Variants in RABL3 observed in about 807,000 individuals in gnomAD.
RABL3 encodes the protein rab-like protein 3.
RABL3 carries 31 observed loss-of-function variants against 31.8 expected under a neutral mutation model. The ratio of observed to expected loss-of-function variants is 0.97; its 90% CI spans 0.73 to 1.31. The LOEUF (loss-of-function observed/expected upper bound fraction) is 1.31, where lower values mean the gene tolerates loss of function less well. RABL3 is among the 40% of genes most tolerant of loss of function. The probability of loss-of-function intolerance (pLI) is 0.00; values close to 1 mark genes in which losing one functional copy is unlikely to be tolerated. For missense variants in RABL3, 263 were observed against 279.6 expected (o/e 0.94, Z 0.42); for synonymous variants, 97 against 99.9 (o/e 0.97, Z 0.18).
rs999287549 is a variant in RABL3, at chr3:120,686,096, T to C, written c.*3727A>G. 2.6e-5 allele frequency among the ~76,000 whole-genome samples: 4 copies of C among 152,296 alleles called. No individual in the cohort carries two copies. The highest frequency in any genetic ancestry group is 9.6e-5 in the African/African-American group (4 of 41,568). On this transcript the variant is annotated 3_prime_UTR_variant, in exon 8 of 8. Coordinates refer to ENST00000273375, the MANE Select transcript of RABL3 (RefSeq NM_173825.5). The stretch of plus-strand genomic sequence containing the variant: ...GTGTAGGCAAACATGTTGTGAAATA[T>C]TTGAGACACAGGGTTAGACTTCCTG...
At chr3:120,742,441 G>A in intron 1 of RABL3, 21 bp downstream of exon 1, 2 of 1,613,360 alleles carry the variant, frequency 1.2e-6, no homozygotes, top group Non-Finnish European at 8.5e-7. Flanking sequence ...TGGAGCCCCA[G>A]AGGTAGGGTA....
chr3:120,693,059 T>C (rs557419343), intron 6 of RABL3, among the ~76,000 whole-genome samples: 1 of 152,344 alleles, frequency 6.6e-6, no homozygotes, highest in East Asian at 1.9e-4. Context: ...AATATTTGTA[T>C]AGCACACTGG....
In RABL3 at chr3:120,715,560, T is replaced by TA. The variant is rs577979707; in HGVS notation, c.139-5652dup. On this transcript the variant is annotated intron_variant, in intron 2 of 7. Transcript: ENST00000273375. Reference sequence around the variant, plus strand: ...TCAAAATAATAATAATAATAATAAATAAAAAAAGAAAGAACGAAATGTCCA... The same window carrying TA: ...TCAAAATAATAATAATAATAATAAATAAAAAAAAGAAAGAACGAAATGTCCA... Among the ~76,000 whole-genome samples, 223 of 151,760 alleles carry TA rather than the reference T, an allele frequency of 1.5e-3. 1 individual carries two copies. The highest frequency in any genetic ancestry group is 2.8e-3 in the Non-Finnish European group (188 of 67,900).
At chr3:120,691,833 T>C (rs914793547) in intron 6 of RABL3, among the ~76,000 whole-genome samples, 1 of 152,194 alleles carries the variant, frequency 6.6e-6, no homozygotes, top group African/African-American at 2.4e-5. Context: ...TTGCTCTCTC[T>C]GGTGCCACAG....
chr3:120,724,531 C>T (rs777399970), intron 2 of RABL3, among the ~76,000 whole-genome samples: 13 of 152,204 alleles, frequency 8.5e-5, no homozygotes, highest in Admixed American at 2.6e-4. Flanking sequence ...GGAGGCATCA[C>T]GCTACCTGAC....
chr3:120,704,800 T>C (rs1708531112), intron 4 of RABL3, among the ~76,000 whole-genome samples: 1 of 152,170 alleles, frequency 6.6e-6, no homozygotes, highest in South Asian at 2.1e-4. Flanking sequence ...AACCCAGCAC[T>C]TTGGGAGGCC....
Position 120,689,905 on chromosome 3 carries a change from T to C in RABL3, c.646-17A>G. ...GCCTGGAATCTGTAGGCAAGAAAGA[T>C]AATTGCATTAAGTCTCAAGCAATAA... On this transcript the variant is annotated splice_polypyrimidine_tract_variant and intron_variant, in intron 7 of 7. Coordinates refer to ENST00000273375, the MANE Select transcript of RABL3 (RefSeq NM_173825.5). 6.3e-7 allele frequency: 1 copy of C among 1,598,768 alleles called. No individual in the cohort carries two copies. The highest frequency in any genetic ancestry group is 8.6e-7 in the Non-Finnish European group (1 of 1,166,480).
intron 2 of RABL3, among the ~76,000 whole-genome samples, chr3:120,716,217 C>G (rs1393850278): frequency 6.6e-6 from 1 of 152,152 alleles, no homozygotes; most frequent in Non-Finnish European, 1.5e-5. Flanking sequence ...ATTCTAAATT[C>G]ATTAAGTCTT....
At chr3:120,691,346 G>A (rs1708377964) in intron 6 of RABL3, among the ~76,000 whole-genome samples, 1 of 152,130 alleles carries the variant, frequency 6.6e-6, no homozygotes, top group South Asian at 2.1e-4. Flanking sequence ...GATTTAGGAT[G>A]GCTTGACTAC....
chr3:120,714,558 A>G (rs1708646675), intron 2 of RABL3, among the ~76,000 whole-genome samples: 1 of 151,702 alleles, frequency 6.6e-6, no homozygotes, highest in African/African-American at 2.4e-5. Context: ...GTACCCATTC[A>G]CTCTTTTATT....
intron 1 of RABL3, among the ~76,000 whole-genome samples, chr3:120,737,334 C>T (rs1285088250): frequency 6.6e-6 from 1 of 152,240 alleles, no homozygotes; most frequent in African/African-American, 2.4e-5. Context: ...GAAGCTTGTG[C>T]ATCATCACGT....
rs113136376 is a variant in RABL3, at chr3:120,713,582, TA to T, written c.139-3674del. 3.9e-5 allele frequency among the ~76,000 whole-genome samples: 6 copies of T among 152,306 alleles called. No individual in the cohort carries two copies. In the South Asian group the frequency reaches 1.0e-3, roughly 26 times the overall value. The stretch of plus-strand genomic sequence containing the variant: ...AGCAGGTCATCAAGGATCTGATACT[TA>T]AAGTCATTACAGACCTTACAGCTAT... On this transcript the variant is annotated intron_variant, in intron 2 of 7. Transcript: ENST00000273375.
intron 1 of RABL3, among the ~76,000 whole-genome samples, chr3:120,740,292 C>T (rs1709025347): frequency 1.3e-5 from 2 of 152,126 alleles, no homozygotes; most frequent in Non-Finnish European, 2.9e-5. Context: ...GACAGGGTCT[C>T]ACTCTATCAC....
chr3:120,708,023 G>A (rs926182456), intron 3 of RABL3, among the ~76,000 whole-genome samples: 1 of 152,014 alleles, frequency 6.6e-6, no homozygotes, highest in African/African-American at 2.4e-5. Flanking sequence ...AGGGAAGAAT[G>A]TAGGGTATTA....
intron 2 of RABL3, among the ~76,000 whole-genome samples, chr3:120,717,564 G>A (rs1708686054): frequency 6.6e-6 from 1 of 152,120 alleles, no homozygotes; most frequent in Admixed American, 6.5e-5. Flanking sequence ...CGCATCCCGG[G>A]TTCAAGCCAT....
At chr3:120,737,120 T>C (rs888980409) in intron 1 of RABL3, among the ~76,000 whole-genome samples, 1 of 152,228 alleles carries the variant, frequency 6.6e-6, no homozygotes, top group Non-Finnish European at 1.5e-5. Flanking sequence ...TGCAGAGTGT[T>C]TTCCAACTTG....
intron 2 of RABL3, among the ~76,000 whole-genome samples, chr3:120,710,706 C>T (rs1708603819): frequency 6.6e-6 from 1 of 152,044 alleles, no homozygotes. Context: ...ATCAAATTTT[C>T]CTTCTCAGCT....
chr3:120,691,073 C>T (rs1708374791), intron 6 of RABL3, among the ~76,000 whole-genome samples: 1 of 152,032 alleles, frequency 6.6e-6, no homozygotes, highest in Non-Finnish European at 1.5e-5. Flanking sequence ...GAATTACCTG[C>T]ATTTGATAAG....
intron 2 of RABL3, among the ~76,000 whole-genome samples, chr3:120,730,243 T>C (rs1159204709): frequency 6.6e-6 from 1 of 152,224 alleles, no homozygotes; most frequent in Non-Finnish European, 1.5e-5. Context: ...TCTGGGAAGA[T>C]ATTTAATTTA....
Sources: gnomAD v4.1 joint callset for allele counts (sites outside exome capture counted in the v4.1 genomes callset) on GRCh38, gnomAD v4.1.1 for gene constraint, MANE v1.5 for transcripts, NCBI Gene and HGNC (gene_info 2026-07-23, HGNC 2026-07-21) for gene names.